Variants in TRHDE observed in about 807,000 individuals in gnomAD.
TRHDE encodes thyrotropin releasing hormone degrading enzyme.
TRHDE carries 72 observed loss-of-function variants against 125.7 expected under a neutral mutation model. That is an observed-to-expected ratio of 0.57 (90% CI 0.47 to 0.70). The LOEUF (loss-of-function observed/expected upper bound fraction) is 0.70, where lower values mean the gene tolerates loss of function less well. Ranked by LOEUF, TRHDE falls within the 30% of genes least tolerant of loss-of-function variation. TRHDE has a pLI of 0.00. For synonymous variants in TRHDE, 509 were observed against 509.1 expected (o/e 1.00, Z 0.00); for missense variants, 1,110 against 1,327.1 (o/e 0.84, Z 2.54).
At chr12:72,119,921 G>C (rs926234861) in intron 2 of TRHDE, among the ~76,000 whole-genome samples, 1 of 152,076 alleles carries the variant, frequency 6.6e-6, no homozygotes, top group Admixed American at 6.5e-5. Context: ...TGTCTTTATA[G>C]GTGAAGTATG....
intron 2 of TRHDE, among the ~76,000 whole-genome samples, chr12:72,182,551 A>G (rs984349281): frequency 6.6e-6 from 1 of 152,224 alleles, no homozygotes; most frequent in Non-Finnish European, 1.5e-5. Context: ...TTCTAGTAGC[A>G]GAAAGAACAG....
chr12:72,194,698 A>G (rs1877404698), intron 2 of TRHDE, among the ~76,000 whole-genome samples: 1 of 152,144 alleles, frequency 6.6e-6, no homozygotes, highest in African/African-American at 2.4e-5. Flanking sequence ...ATTGCTGCGA[A>G]GGACATGATT....
chr12:72,156,816 T>A (rs1876523269), intron 2 of TRHDE, among the ~76,000 whole-genome samples: 1 of 152,208 alleles, frequency 6.6e-6, no homozygotes, highest in Non-Finnish European at 1.5e-5. Flanking sequence ...CAACCATATT[T>A]TATGGCCCCA....
chr12:72,360,535 C>T (rs377636926), intron 2 of TRHDE, among the ~76,000 whole-genome samples: 1 of 151,670 alleles, frequency 6.6e-6, no homozygotes, highest in Non-Finnish European at 1.5e-5. Context: ...TACAACTAAC[C>T]GTGGAACACT....
At chr12:72,246,799 A>G (rs1878583870) in intron 2 of TRHDE, among the ~76,000 whole-genome samples, 1 of 152,206 alleles carries the variant, frequency 6.6e-6, no homozygotes, top group Non-Finnish European at 1.5e-5. Context: ...TGTTCCTATA[A>G]GCACAGAAGA....
At chr12:72,456,943 G>A (rs1391385471) in intron 3 of TRHDE, among the ~76,000 whole-genome samples, 1 of 152,038 alleles carries the variant, frequency 6.6e-6, no homozygotes, top group Non-Finnish European at 1.5e-5. Context: ...TTGAATAGAA[G>A]CTCTCAGAAA....
At chr12:72,215,208 C>T (rs965201221) in intron 2 of TRHDE, among the ~76,000 whole-genome samples, 6 of 147,746 alleles carry the variant, frequency 4.1e-5, no homozygotes, top group African/African-American at 7.5e-5. Context: ...GAGTGGGGGT[C>T]GCAAGGTGCT....
At position 72,634,222 on chromosome 12, in the gene TRHDE, T is replaced by A. The variant is rs1873620689; in HGVS notation, c.2675+12471T>A. On this transcript the variant is annotated intron_variant, in intron 15 of 18. Coordinates refer to ENST00000261180, the MANE Select transcript of TRHDE (RefSeq NM_013381.3). ...CCTTCTAAACAGCATTAGGTTCTAT[T>A]CACAGTGGCTTCATTAGCAGCAGAC... 2.0e-5 allele frequency among the ~76,000 whole-genome samples: 3 copies of A among 152,088 alleles called. No homozygotes were observed. The South Asian group carries it at 6.2e-4, about 31-fold the overall frequency.
chr12:72,192,175 C>T lies in TRHDE; in HGVS notation n.279+86423C>T, dbSNP rs149339893. On this transcript the variant is annotated intron_variant and non_coding_transcript_variant, in intron 2 of 4. Coordinates refer to the TRHDE transcript ENST00000548156. ...TTAGAGGAGATTAGTTCAGGGTCTGCGTGAACCTGGAGGACCTATTATTTA... is the reference window on the plus strand; with the variant it reads ...TTAGAGGAGATTAGTTCAGGGTCTGTGTGAACCTGGAGGACCTATTATTTA... 4.9e-3 allele frequency among the ~76,000 whole-genome samples: 749 copies of T among 152,134 alleles called. 4 individuals carry two copies. The highest frequency in any genetic ancestry group is 0.017 in the African/African-American group (696 of 41,508).
intron 15 of TRHDE, among the ~76,000 whole-genome samples, chr12:72,642,981 A>G (rs1169118154): frequency 3.3e-5 from 5 of 152,216 alleles, no homozygotes; most frequent in African/African-American, 9.6e-5. Flanking sequence ...AAATTTAGCA[A>G]CAAAAGGGGG....
intron 2 of TRHDE, among the ~76,000 whole-genome samples, chr12:72,178,446 A>C (rs1209016019): frequency 6.6e-6 from 1 of 152,134 alleles, no homozygotes; most frequent in African/African-American, 2.4e-5. Context: ...AATCTTGCGC[A>C]ATAGACCAAA....
chr12:72,354,055 AC>A (rs1192994019), intron 2 of TRHDE, among the ~76,000 whole-genome samples: 1 of 151,646 alleles, frequency 6.6e-6, no homozygotes, highest in Non-Finnish European at 1.5e-5. Context: ...AGAAATGGAT[AC>A]CTTGTTATAT....
chr12:72,597,376 C>A (rs921006873), intron 12 of TRHDE, among the ~76,000 whole-genome samples: 12 of 151,902 alleles, frequency 7.9e-5, no homozygotes, highest in African/African-American at 2.7e-4. Context: ...TTTGTGAAAA[C>A]TAAGAGAGGG....
intron 3 of TRHDE, among the ~76,000 whole-genome samples, chr12:72,435,253 A>T (rs1874686870): frequency 6.6e-6 from 1 of 152,238 alleles, no homozygotes; most frequent in Admixed American, 6.5e-5. Flanking sequence ...TGGTCCCCAG[A>T]TGAATTAGTA....
chr12:72,240,875 CCAAT>C (rs1338541432), intron 2 of TRHDE, among the ~76,000 whole-genome samples: 2 of 152,132 alleles, frequency 1.3e-5, no homozygotes, highest in Non-Finnish European at 2.9e-5. Context: ...CCTGGCCTCT[CCAAT>C]CAATTTTAAA....
intron 15 of TRHDE, among the ~76,000 whole-genome samples, chr12:72,635,973 C>T (rs1873727305): frequency 6.6e-6 from 1 of 151,436 alleles, no homozygotes; most frequent in Non-Finnish European, 1.5e-5. Flanking sequence ...TTAGGATTGA[C>T]TTGGCGATGT....
chr12:72,444,567 AC>A (rs1875182206), intron 3 of TRHDE, among the ~76,000 whole-genome samples: 1 of 151,826 alleles, frequency 6.6e-6, no homozygotes. Context: ...TAATGGCAAA[AC>A]TTGAAGACTT....
intron 2 of TRHDE, among the ~76,000 whole-genome samples, chr12:72,237,645 T>C (rs1176241909): frequency 1.3e-5 from 2 of 152,158 alleles, no homozygotes; most frequent in African/African-American, 2.4e-5. Context: ...GTGCACTCTC[T>C]CTCCCGCCAC....
At chr12:72,425,607 A>G (rs987094988) in intron 3 of TRHDE, among the ~76,000 whole-genome samples, 8 of 152,192 alleles carry the variant, frequency 5.3e-5, no homozygotes, top group Non-Finnish European at 2.9e-5. Flanking sequence ...AGATAAGTGG[A>G]AAAAACAACA....
Sources: allele counts gnomAD v4.1 joint callset (sites outside exome capture counted in the v4.1 genomes callset), GRCh38; gene constraint gnomAD v4.1.1; transcripts MANE v1.5; gene names NCBI Gene and HGNC (gene_info 2026-07-23, HGNC 2026-07-21).